Variants in SMYD4 observed in about 807,000 individuals in gnomAD.
SMYD4 encodes the protein SET and MYND domain containing 4, also known as protein-lysine N-methyltransferase SMYD4.
Under a neutral mutation model 72.8 loss-of-function variants are expected in SMYD4, and 68 were observed. The ratio of observed to expected loss-of-function variants is 0.93; its 90% confidence interval spans 0.77 to 1.14. The LOEUF is 1.14. SMYD4 is among the 50% of genes most tolerant of loss of function. SMYD4 has a pLI of 0.00. For synonymous variants in SMYD4, 407 were observed against 388.6 expected (o/e 1.05, Z -0.56); for missense variants, 984 against 1,003.7 (o/e 0.98, Z 0.27).
chr17:1,804,541 T>C (rs1909937257), intron 4 of SMYD4, 85 bp downstream of exon 4: 3 of 1,167,890 alleles, frequency 2.6e-6, no homozygotes, highest in Middle Eastern at 2.0e-4. Flanking sequence ...TAGTGTTCTA[T>C]GGAAGAAGCA....
At chr17:1,816,015 T>C (rs1910574177) in intron 2 of SMYD4, among the ~76,000 whole-genome samples, 1 of 152,128 alleles carries the variant, frequency 6.6e-6, no homozygotes, top group Non-Finnish European at 1.5e-5. Context: ...AAACCATTTT[T>C]TAAGCATACA....
intron 2 of SMYD4, among the ~76,000 whole-genome samples, chr17:1,818,860 C>T (rs1175021424): frequency 6.6e-6 from 1 of 151,896 alleles, no homozygotes; most frequent in Non-Finnish European, 1.5e-5. Flanking sequence ...GTTGCCCAGG[C>T]TGGCCTCAAA....
chr17:1,825,883 T>C (rs564674018), intron 2 of SMYD4, among the ~76,000 whole-genome samples: 2 of 152,068 alleles, frequency 1.3e-5, no homozygotes, highest in South Asian at 2.1e-4. Context: ...GGAGGATCGC[T>C]TGAGCCCAGG....
chr17:1,799,771 C>T, intron 5 of SMYD4, 86 bp downstream of exon 5: 2 of 1,299,968 alleles, frequency 1.5e-6, no homozygotes, highest in Non-Finnish European at 1.0e-6. Context: ...TGTTTGAATC[C>T]TATTTTCCTT....
Position 1,797,286 on chromosome 17 carries a change from T to C in SMYD4, c.1537+2571A>G, listed in dbSNP as rs186846349. Among the ~76,000 whole-genome samples, 279 of 152,284 alleles carry C rather than the reference T, an allele frequency of 1.8e-3. 1 individual carries two copies. The highest frequency in any genetic ancestry group is 6.0e-3 in the African/African-American group (248 of 41,564). Reference sequence around the variant, plus strand: ...GTTTCCTCCCTCTCAAGAGAGTTAATTGAAAAAATTAAGAAAAGTATAATG... The same window carrying C: ...GTTTCCTCCCTCTCAAGAGAGTTAACTGAAAAAATTAAGAAAAGTATAATG... On this transcript the variant is annotated intron_variant, in intron 5 of 10. Coordinates refer to ENST00000305513, the MANE Select transcript of SMYD4 (RefSeq NM_052928.3).
chr17:1,827,597 T>C (rs922079026), intron 2 of SMYD4, among the ~76,000 whole-genome samples: 1 of 152,040 alleles, frequency 6.6e-6, no homozygotes, highest in Non-Finnish European at 1.5e-5. Flanking sequence ...CACGCTGGGA[T>C]AGAAACGAAC....
intron 1 of SMYD4, among the ~76,000 whole-genome samples, chr17:1,828,415 C>A (rs542967934): frequency 2.8e-4 from 42 of 151,424 alleles, no homozygotes; most frequent in Non-Finnish European, 6.0e-4. Context: ...AAAATCAATT[C>A]TTGTGGTCTT....
chr17:1,784,106 G>C (rs188331801), intron 8 of SMYD4, among the ~76,000 whole-genome samples: 113 of 152,348 alleles, frequency 7.4e-4, no homozygotes, highest in Non-Finnish European at 1.4e-3. Context: ...AGATGCAGAA[G>C]AAAACAACAG....
chr17:1,790,901 T>C (rs1341425080), intron 5 of SMYD4, among the ~76,000 whole-genome samples: 23 of 147,044 alleles, frequency 1.6e-4, no homozygotes, highest in South Asian at 2.1e-4. Flanking sequence ...CCCAGGCGGG[T>C]GGATCACGAG....
intron 7 of SMYD4, 89 bp downstream of exon 7, chr17:1,786,721 T>C (rs1220648023): frequency 6.6e-7 from 1 of 1,525,544 alleles, no homozygotes; most frequent in Non-Finnish European, 9.0e-7. Context: ...CACTTACAAG[T>C]CCCTGATGGC....
chr17:1,828,559 G>A (rs529324595), intron 1 of SMYD4, among the ~76,000 whole-genome samples: 7 of 150,344 alleles, frequency 4.7e-5, no homozygotes, highest in Admixed American at 6.7e-5. Context: ...ATACAAAGAC[G>A]AAGCAGACTA....
At chr17:1,818,046 C>CAAAAAAA (rs540448588) in intron 2 of SMYD4, among the ~76,000 whole-genome samples, 1 of 103,228 alleles carries the variant, frequency 9.7e-6, no homozygotes, top group East Asian at 3.0e-4. Flanking sequence ...GACTCTGTCT[C>CAAAAAAA]AAAAAAAAAA....
intron 2 of SMYD4, among the ~76,000 whole-genome samples, chr17:1,817,486 C>T (rs1431151993): frequency 6.6e-6 from 1 of 151,504 alleles, no homozygotes; most frequent in East Asian, 1.9e-4. Context: ...GGGCTCCAGG[C>T]ATGCGCCACC....
At chr17:1,783,249 A>T (rs765902210) in intron 9 of SMYD4, 91 bp from the exon 10 acceptor site, 8 of 1,610,510 alleles carry the variant, frequency 5.0e-6, no homozygotes, top group Non-Finnish European at 5.9e-6. Context: ...CGAGAGGGGG[A>T]GCACCCTCAG....
intron 2 of SMYD4, among the ~76,000 whole-genome samples, chr17:1,822,671 C>T (rs1376840584): frequency 6.6e-6 from 1 of 152,012 alleles, no homozygotes; most frequent in Non-Finnish European, 1.5e-5. Context: ...CACCACGTTG[C>T]CCAGGCTGGT....
At chr17:1,824,918 C>G (rs148501798) in intron 2 of SMYD4, among the ~76,000 whole-genome samples, 129 of 152,286 alleles carry the variant, frequency 8.5e-4, no homozygotes, top group African/African-American at 3.0e-3. Flanking sequence ...AGCCACCGCG[C>G]CCGGTGAAAT....
intron 8 of SMYD4, chr17:1,783,925 A>G (rs1908511282): frequency 3.4e-6 from 1 of 291,010 alleles, no homozygotes; most frequent in Non-Finnish European, 6.5e-6. Context: ...CTCACGCCCC[A>G]CTGCTCTCTA....
chr17:1,785,920 G>A (rs1000926921), intron 7 of SMYD4, among the ~76,000 whole-genome samples: 11 of 152,318 alleles, frequency 7.2e-5, no homozygotes, highest in Admixed American at 7.2e-4. Flanking sequence ...TTGTGGCAGA[G>A]GGGAAACCTC....
rs1908722167 is a variant in SMYD4, at chr17:1,786,894, T to C, written c.1800A>G (p.Pro600=). The change falls in exon 7 of 11, where the codon CCA becomes CCG. Residue 600 remains proline (P), a synonymous_variant. Transcript: ENST00000305513. ...TCCTGTGTGCCTCAGTTTGACAAGC[T>C]GGACAGGCGCAGTCAAAGAAATACT... The part of the protein sequence containing the change: ...RSQYFFDCAC[P]ACQTEAHRMA... 1.2e-6 allele frequency: 2 copies of C among 1,614,260 alleles called. No homozygotes were observed. Among genetic ancestry groups the C allele is most frequent in the African/African-American group, 1.3e-5 (1 of 75,072 alleles).
Sources: allele counts gnomAD v4.1 joint callset (sites outside exome capture counted in the v4.1 genomes callset), GRCh38; gene constraint gnomAD v4.1.1; transcripts MANE v1.5; gene names NCBI Gene and HGNC (gene_info 2026-07-23, HGNC 2026-07-21).